TBC1D5: variants seen among roughly 807,000 people sequenced by gnomAD.
TBC1D5 encodes the protein TBC1 domain family member 5.
Under a neutral mutation model 100.3 loss-of-function variants are expected in TBC1D5, and 75 were observed. The observed-to-expected ratio is 0.75, with a 90% CI of 0.62 to 0.91. The LOEUF is 0.91. Among genes scored for constraint, TBC1D5 ranks in the 40% least tolerant of loss-of-function variants. TBC1D5 has a pLI of 0.00. For missense variants in TBC1D5, 910 were observed against 942.4 expected (o/e 0.97, Z 0.45); for synonymous variants, 323 against 325.6 (o/e 0.99, Z 0.09).
At position 17,270,284 on chromosome 3, in the gene TBC1D5, T is replaced by C. The variant is rs996323947; in HGVS notation, c.1246-11693A>G. Among the ~76,000 whole-genome samples, 6 of 152,158 alleles carry C rather than the reference T, an allele frequency of 3.9e-5. No homozygotes were observed. The East Asian group carries it at 9.6e-4, about 24-fold the overall frequency. On this transcript the variant is annotated intron_variant, in intron 15 of 21. Coordinates refer to ENST00000253692, the Ensembl canonical transcript of TBC1D5. ...TTTTCATATGCTTGTTGGACACTTG[T>C]ATGTTTTCTTTTGAGAACTGTCTGT... is the stretch of plus-strand genomic sequence containing the variant.
At chr3:17,399,554 C>G (rs2093595803) in intron 8 of TBC1D5, among the ~76,000 whole-genome samples, 1 of 152,200 alleles carries the variant, frequency 6.6e-6, no homozygotes, top group Non-Finnish European at 1.5e-5. Flanking sequence ...TTGAAATACT[C>G]CAATAGACTC....
chr3:17,387,635 C>T (rs2093206185), intron 8 of TBC1D5, among the ~76,000 whole-genome samples: 1 of 151,550 alleles, frequency 6.6e-6, no homozygotes. Context: ...GCTTCCCTAC[C>T]ACTCATTACA....
intron 13 of TBC1D5, among the ~76,000 whole-genome samples, chr3:17,310,298 T>C (rs542475349): frequency 6.6e-6 from 1 of 152,232 alleles, no homozygotes; most frequent in East Asian, 1.9e-4. Context: ...ATTTTCTGTG[T>C]CAAATTGTTC....
chr3:17,721,479 G>GTT (rs1391593013), intron 1 of TBC1D5, among the ~76,000 whole-genome samples: 1 of 151,986 alleles, frequency 6.6e-6, no homozygotes, highest in Non-Finnish European at 1.5e-5. Flanking sequence ...GTGTGTGTGT[G>GTT]TGTGTGTGTT....
At chr3:17,230,651 T>C (rs979331259) in intron 17 of TBC1D5, among the ~76,000 whole-genome samples, 1 of 152,172 alleles carries the variant, frequency 6.6e-6, no homozygotes, top group Admixed American at 6.6e-5. Flanking sequence ...CGTATGTATA[T>C]GCATATTTAC....
At chr3:17,681,767 TA>T (rs2069507029) in intron 1 of TBC1D5, among the ~76,000 whole-genome samples, 1 of 151,498 alleles carries the variant, frequency 6.6e-6, no homozygotes, top group African/African-American at 2.5e-5. Context: ...TTGGTTCAGG[TA>T]GGTGGCCTGT....
intron 2 of TBC1D5, among the ~76,000 whole-genome samples, chr3:17,566,606 C>G (rs886982863): frequency 2.0e-5 from 3 of 151,776 alleles, no homozygotes; most frequent in Non-Finnish European, 4.4e-5. Context: ...ATTAAGGATT[C>G]CAATAAATTT....
chr3:17,701,327 G>C (rs764669732), intron 1 of TBC1D5, among the ~76,000 whole-genome samples: 12 of 152,228 alleles, frequency 7.9e-5, no homozygotes, highest in African/African-American at 2.6e-4. Context: ...GGCCTGTTAG[G>C]GGGTAGGGGG....
intron 17 of TBC1D5, chr3:17,233,731 G>A (rs545659685): frequency 3.0e-5 from 46 of 1,544,338 alleles, no homozygotes; most frequent in Non-Finnish European, 3.7e-5. Context: ...CCTGAGCATC[G>A]CTTCCTGTAA....
intron 1 of TBC1D5, among the ~76,000 whole-genome samples, chr3:17,652,963 TCAGCCATAAGAAGAAATGAG>T (rs1355970415): frequency 7.2e-5 from 11 of 152,162 alleles, no homozygotes; most frequent in Non-Finnish European, 1.5e-4. Context: ...GACATATTGT[TCAGCCATAAGAAGAAATGAG>T]GTACTGACAA....
At chr3:17,437,497 G>A (rs566324823) in intron 3 of TBC1D5, among the ~76,000 whole-genome samples, 17 of 152,110 alleles carry the variant, frequency 1.1e-4, no homozygotes, top group African/African-American at 3.4e-4. Context: ...TATTACAAGA[G>A]GGGGTGGTAC....
intron 16 of TBC1D5, among the ~76,000 whole-genome samples, chr3:17,247,946 T>C (rs2149239843): frequency 6.6e-6 from 1 of 152,194 alleles, no homozygotes; most frequent in Middle Eastern, 3.4e-3. Flanking sequence ...ATAATTCTAG[T>C]TCTCTTGCTA....
chr3:17,445,497 T>A (rs1019671860), intron 3 of TBC1D5, among the ~76,000 whole-genome samples: 4 of 152,298 alleles, frequency 2.6e-5, no homozygotes, highest in Admixed American at 6.5e-5. Context: ...ATTACTCTGT[T>A]CTATATATTA....
chr3:17,458,781 T>C (rs1270145690), intron 3 of TBC1D5, among the ~76,000 whole-genome samples: 1 of 152,228 alleles, frequency 6.6e-6, no homozygotes, highest in Non-Finnish European at 1.5e-5. Flanking sequence ...ACTACATCTC[T>C]GATCAGAAAC....
intron 15 of TBC1D5, among the ~76,000 whole-genome samples, chr3:17,287,281 T>C (rs1241020759): frequency 6.6e-6 from 1 of 152,220 alleles, no homozygotes; most frequent in African/African-American, 2.4e-5. Flanking sequence ...TTATTTCCTT[T>C]ATACCAAGAT....
At chr3:17,596,074 A>G (rs1407971269) in intron 2 of TBC1D5, among the ~76,000 whole-genome samples, 2 of 152,116 alleles carry the variant, frequency 1.3e-5, no homozygotes, top group Non-Finnish European at 2.9e-5. Flanking sequence ...TGGTATAGAG[A>G]ATGGCAGGTC....
At chr3:17,677,854 G>T (rs1185022336) in intron 1 of TBC1D5, among the ~76,000 whole-genome samples, 6 of 152,178 alleles carry the variant, frequency 3.9e-5, no homozygotes, top group Non-Finnish European at 7.3e-5. Flanking sequence ...TAGGGACATG[G>T]ATGAAGCTGG....
chr3:17,376,431 G>T, intron 10 of TBC1D5, 94 bp downstream of exon 10: 1 of 1,029,204 alleles, frequency 9.7e-7, no homozygotes, highest in Non-Finnish European at 1.4e-6. Context: ...CAGCTTGTAA[G>T]TACCTTCCAT....
At chr3:17,194,231 T>C (rs181097043) in intron 18 of TBC1D5, among the ~76,000 whole-genome samples, 1 of 152,364 alleles carries the variant, frequency 6.6e-6, no homozygotes, top group Admixed American at 6.5e-5. Context: ...AGGAAGGCTG[T>C]GAAGTACTTT....
Sources: gnomAD v4.1 joint callset for allele counts (sites outside exome capture counted in the v4.1 genomes callset) on GRCh38, gnomAD v4.1.1 for gene constraint, MANE v1.5 for transcripts, NCBI Gene and HGNC (gene_info 2026-07-23, HGNC 2026-07-21) for gene names.